Variants in ABCC5 observed in about 807,000 individuals in gnomAD.
The protein encoded by ABCC5 is ATP-binding cassette sub-family C member 5.
Under a neutral mutation model 160.9 loss-of-function variants are expected in ABCC5, and 61 were observed. The observed-to-expected ratio is 0.38, with a 90% CI of 0.31 to 0.47. The LOEUF is 0.47. Ranked by LOEUF, ABCC5 falls within the 20% of genes least tolerant of loss-of-function variation. The pLI, the probability that ABCC5 is intolerant of heterozygous loss-of-function variation, is 0.99. For missense variants in ABCC5, 1,308 were observed against 1,813.3 expected (o/e 0.72, Z 5.06); for synonymous variants, 666 against 700.6 (o/e 0.95, Z 0.78).
chr3:183,994,238 T>A (rs750375907), intron 2 of ABCC5, among the ~76,000 whole-genome samples: 15 of 152,226 alleles, frequency 9.9e-5, no homozygotes. Flanking sequence ...AAGAAGTATA[T>A]AAAGCAGCTT....
At position 183,988,688 on chromosome 3, in the gene ABCC5, A is replaced by C. The variant is rs781544126; in HGVS notation, c.327T>G (p.Cys109Trp). 2 of 1,614,248 alleles carry C rather than the reference A, an allele frequency of 1.2e-6. No individual in the cohort carries two copies. Among genetic ancestry groups the C allele is most frequent in the East Asian group, 2.2e-5 (1 of 44,892 alleles). The change falls in exon 4 of 30, where the codon TGT becomes TGG. Residue 109 changes from cysteine to tryptophan, a missense_variant. Cys to Trp is a radical substitution (Grantham distance 215). Transcript: ENST00000334444. This position sits in a 1 kb window ranked among gnomAD's most constrained non-coding sequence, Gnocchi z 4.4. ...HPVDNAGLFSCMTFSWLSSLA... is the reference protein window; with the variant it reads ...HPVDNAGLFSWMTFSWLSSLA... ...GAGAAGAAAGCCACGAAAAAGTCAT[A>C]CAGGAAAAAAGCCCAGCATTGTCCA... is the stretch of plus-strand genomic sequence containing the variant.
chr3:183,929,297 G>T (rs1339662627), intron 26 of ABCC5, among the ~76,000 whole-genome samples: 1 of 152,118 alleles, frequency 6.6e-6, no homozygotes, highest in Non-Finnish European at 1.5e-5. Flanking sequence ...GCCAGGTGTG[G>T]TGGTGGGCAC....
chr3:183,999,344 C>T (rs2108893790), intron 2 of ABCC5, among the ~76,000 whole-genome samples: 1 of 151,906 alleles, frequency 6.6e-6, no homozygotes, highest in East Asian at 1.9e-4. Context: ...TATCAACATT[C>T]TAAGGTTGAA....
Position 183,982,178 on chromosome 3 carries a change from A to T in ABCC5, c.999+273T>A, listed in dbSNP as rs1011661599. ...GCCCTATCACTTAGCACCAACTCCA[A>T]CGCAGTGACTCAAACACTCCTATGT... On this transcript the variant is annotated intron_variant, in intron 7 of 29. Coordinates refer to ENST00000334444, the MANE Select transcript of ABCC5 (RefSeq NM_005688.4). This position sits in a 1 kb window ranked among gnomAD's most constrained non-coding sequence, Gnocchi z 5.2. Among the ~76,000 whole-genome samples, 1 of 152,046 alleles carries T rather than the reference A, an allele frequency of 6.6e-6. No individual in the cohort carries two copies. Among genetic ancestry groups the T allele is most frequent in the Non-Finnish European group, 1.5e-5 (1 of 68,002 alleles).
At position 183,963,015 on chromosome 3, in the gene ABCC5, G is replaced by A. The variant is rs1299541030; in HGVS notation, c.2235+370C>T. ...CCTTGAGCTGCTCTCCAAAGTGCCT[G>A]CTTATGATGGAATGGCAGAGGGAGA... On this transcript the variant is annotated intron_variant, in intron 15 of 29. Coordinates refer to ENST00000334444, the MANE Select transcript of ABCC5 (RefSeq NM_005688.4). The surrounding 1 kb of genome is among the most constrained non-coding windows in gnomAD (Gnocchi z 4.6). Among the ~76,000 whole-genome samples the A allele has an allele frequency of 6.6e-6, 1 of 152,240 alleles. No individual in the cohort carries two copies. The highest frequency in any genetic ancestry group is 1.5e-5 in the Non-Finnish European group (1 of 68,046).
At position 183,927,670 on chromosome 3, in the gene ABCC5, C is replaced by T. The variant is rs1471522111; in HGVS notation, c.3934-227G>A. ...TTCTGTTAGCTTTATACCATTAAAA[C>T]ATCCCAGAAATCCCAACGCTTTCAT... On this transcript the variant is annotated intron_variant, in intron 27 of 29. Transcript: ENST00000334444. The T allele has an allele frequency of 3.0e-6, 3 of 985,328 alleles. No individual in the cohort carries two copies. In the East Asian group the frequency reaches 3.4e-4, roughly 112 times the overall value. The allele number at this position is 985,328 out of a possible 1,614,324, so 61.0% of individuals were successfully genotyped here. A position where few individuals can be genotyped will look rare whatever the true frequency, so the allele number is the denominator to read the frequency against.
rs547860723 is a variant in ABCC5, at chr3:183,921,228, G to A, written c.*72C>T. 16 of 804,110 alleles carry A rather than the reference G, an allele frequency of 2.0e-5. No individual in the cohort carries two copies. Among genetic ancestry groups the A allele is most frequent in the African/African-American group, 1.2e-4 (7 of 57,074 alleles). 49.8% of individuals were successfully genotyped at this position (804,110 alleles called of 1,614,324 possible). A position where few individuals can be genotyped will look rare whatever the true frequency, so the allele number is the denominator to read the frequency against. On this transcript the variant is annotated 3_prime_UTR_variant, in exon 30 of 30. Transcript: ENST00000334444. The surrounding 1 kb of genome is among the most constrained non-coding windows in gnomAD (Gnocchi z 4.1). The stretch of plus-strand genomic sequence containing the variant: ...AAAGGCAAGGTTTCGGTAGGAGGAC[G>A]CGATGAGGGGCCCGCCCCAGGCAGG...
intron 24 of ABCC5, among the ~76,000 whole-genome samples, chr3:183,944,901 C>T (rs1714698061): frequency 6.6e-6 from 1 of 152,142 alleles, no homozygotes; most frequent in South Asian, 2.1e-4. Flanking sequence ...ATAATAATCC[C>T]CATGTGTGAG....
intron 23 of ABCC5, among the ~76,000 whole-genome samples, chr3:183,947,099 A>G (rs1714912591): frequency 6.6e-6 from 1 of 152,202 alleles, no homozygotes; most frequent in Admixed American, 6.5e-5. Context: ...CACATGCAAC[A>G]GAGTTCGATT....
At position 183,987,485 on chromosome 3, in the gene ABCC5, A is replaced by C; in HGVS notation, c.591+285T>G. The stretch of plus-strand genomic sequence containing the variant: ...ATCTGCCTGCACCGACTGTCAGTTC[A>C]TGTTAACACACAACCGAGAAGCACA... On this transcript the variant is annotated intron_variant, in intron 5 of 29. Coordinates refer to ENST00000334444, the MANE Select transcript of ABCC5 (RefSeq NM_005688.4). The surrounding 1 kb of genome is among the most constrained non-coding windows in gnomAD (Gnocchi z 4.2). 1 of 601,228 alleles carries C rather than the reference A, an allele frequency of 1.7e-6. No homozygotes were observed. The highest frequency in any genetic ancestry group is 3.0e-6 in the Non-Finnish European group (1 of 337,348). The allele number at this position is 601,228 out of a possible 1,614,324, so 37.2% of individuals were successfully genotyped here. A position where few individuals can be genotyped will look rare whatever the true frequency, so the allele number is the denominator to read the frequency against.
intron 15 of ABCC5, among the ~76,000 whole-genome samples, chr3:183,962,092 C>T (rs546310109): frequency 5.5e-4 from 84 of 152,284 alleles, no homozygotes; most frequent in African/African-American, 2.0e-3. Flanking sequence ...GAGAGGTACA[C>T]AGATGCTCCT....
chr3:183,995,049 T>C (rs1182183659), intron 2 of ABCC5, among the ~76,000 whole-genome samples: 1 of 151,966 alleles, frequency 6.6e-6, no homozygotes, highest in African/African-American at 2.4e-5. Context: ...CAGCACTATG[T>C]TGCCCAGGCC....
At chr3:183,977,491 CG>C (rs757730914) in intron 10 of ABCC5, 25 bp downstream of exon 10, 3 of 1,548,182 alleles carry the variant, frequency 1.9e-6, no homozygotes, top group South Asian at 2.2e-5. Context: ...GCTCCTGACA[CG>C]GGGGCAGGGG....
chr3:183,932,603 C>T (rs1713282716), intron 26 of ABCC5, among the ~76,000 whole-genome samples: 1 of 152,168 alleles, frequency 6.6e-6, no homozygotes, highest in Non-Finnish European at 1.5e-5. Flanking sequence ...AGCTCTGCCA[C>T]TTTTAGCTGT....
At position 183,988,356 on chromosome 3, in the gene ABCC5, G is replaced by A. The variant is rs1221836538; in HGVS notation, c.443+216C>T. Reference sequence around the variant, plus strand: ...TCCCTGCAGACTCAGGAAGAGAAGCGGGGCTGAGAGAGAGAGAGAAAGCCC... The same window carrying A: ...TCCCTGCAGACTCAGGAAGAGAAGCAGGGCTGAGAGAGAGAGAGAAAGCCC... On this transcript the variant is annotated intron_variant, in intron 4 of 29. Transcript: ENST00000334444. This position sits in a 1 kb window ranked among gnomAD's most constrained non-coding sequence, Gnocchi z 4.4. Among the ~76,000 whole-genome samples, 1 of 152,214 alleles carries A rather than the reference G, an allele frequency of 6.6e-6. No homozygotes were observed. The highest frequency in any genetic ancestry group is 2.4e-5 in the African/African-American group (1 of 41,462).
rs1308209271 is a variant in ABCC5, at chr3:183,921,953, C to T, written c.4213-552G>A. The stretch of plus-strand genomic sequence containing the variant: ...GGCTGAGGCAGGAGAATCGCTTGAA[C>T]CCAGGAGGTGGAGGTTGCAGTGAAC... On this transcript the variant is annotated intron_variant, in intron 29 of 29. Coordinates refer to ENST00000334444, the MANE Select transcript of ABCC5 (RefSeq NM_005688.4). This position sits in a 1 kb window ranked among gnomAD's most constrained non-coding sequence, Gnocchi z 4.1. Among the ~76,000 whole-genome samples the T allele has an allele frequency of 1.3e-5, 2 of 151,924 alleles. No individual in the cohort carries two copies. The highest frequency in any genetic ancestry group is 4.8e-5 in the African/African-American group (2 of 41,314).
Position 184,007,551 on chromosome 3 carries a change from C to G in ABCC5, c.129+6713G>C, listed in dbSNP as rs139951961. On this transcript the variant is annotated intron_variant, in intron 2 of 29. Transcript: ENST00000334444. ...TTATTCAAGAACACACATGCCCAGG[C>G]GCAGTGGCTCACACCTGTAATCCCA... Among the ~76,000 whole-genome samples the G allele has an allele frequency of 2.6e-5, 4 of 152,196 alleles. No homozygotes were observed. In the South Asian group the frequency reaches 8.3e-4, roughly 32 times the overall value.
chr3:184,016,678 G>T (rs1043803362), intron 1 of ABCC5, among the ~76,000 whole-genome samples: 1 of 152,160 alleles, frequency 6.6e-6, no homozygotes, highest in Non-Finnish European at 1.5e-5. Flanking sequence ...ATTTTTGTTT[G>T]TAAAAAACAA....
chr3:183,987,507 C>A lies in ABCC5; in HGVS notation c.591+263G>T. ...TTCATGTTAACACACAACCGAGAAG[C>A]ACAGTCCTGTGCAGAACTGGAGTCA... On this transcript the variant is annotated intron_variant, in intron 5 of 29. Transcript: ENST00000334444. The surrounding 1 kb of genome is among the most constrained non-coding windows in gnomAD (Gnocchi z 4.2). 1.6e-6 allele frequency: 1 copy of A among 610,882 alleles called. No homozygotes were observed. The highest frequency in any genetic ancestry group is 2.9e-6 in the Non-Finnish European group (1 of 342,742). 37.8% of individuals were successfully genotyped at this position (610,882 alleles called of 1,614,324 possible). A position where few individuals can be genotyped will look rare whatever the true frequency, so the allele number is the denominator to read the frequency against.
Sources: gnomAD v4.1 joint callset for allele counts (sites outside exome capture counted in the v4.1 genomes callset) on GRCh38, gnomAD v4.1.1 for gene constraint, Gnocchi (gnomAD v3.1) non-coding constraint, MANE v1.5 for transcripts, NCBI Gene and HGNC (gene_info 2026-07-23, HGNC 2026-07-21) for gene names.